The following NDST1 variants were observed in gnomAD, a reference collection of about 807,000 sequenced individuals.
NDST1 encodes the protein bifunctional heparan sulfate N-deacetylase/N-sulfotransferase 1.
A neutral mutation model predicts 92.8 loss-of-function variants in NDST1; 35 were observed. The ratio of observed to expected loss-of-function variants is 0.38; its 90% CI spans 0.29 to 0.50. The LOEUF is 0.50. NDST1 is among the 20% of genes least tolerant of loss of function. The pLI is 0.94. For synonymous variants in NDST1, 493 were observed against 500.3 expected (o/e 0.99, Z 0.19); for missense variants, 822 against 1,182.7 (o/e 0.69, Z 4.47).
intron 1 of NDST1, among the ~76,000 whole-genome samples, chr5:150,500,294 G>A (rs566733987): frequency 6.6e-6 from 1 of 152,254 alleles, no homozygotes; most frequent in East Asian, 1.9e-4. Context: ...TCAGACCAGG[G>A]GGTCTATAGA....
rs1389491054 is a variant in NDST1 at position 150,521,636 on chromosome 5, A to G, written c.382A>G (p.Lys128Glu). The G allele has an allele frequency of 1.9e-6, 3 of 1,613,918 alleles. No individual in the cohort carries two copies. The highest frequency in any genetic ancestry group is 1.3e-5 in the African/African-American group (1 of 74,922). ...GKGDMPTLTD[K>E]GRGRFALIIY... The stretch of plus-strand genomic sequence containing the variant: ...GGGTGACATGCCCACGCTCACTGAC[A>G]AGGGCCGTGGCCGCTTCGCCCTCAT... The change falls in exon 2 of 15, where the codon AAG becomes GAG. Residue 128 changes from lysine (K) to glutamate (E), a missense_variant. Physicochemically the swap from Lys to Glu is moderately conservative, Grantham distance 56. Coordinates refer to ENST00000261797, the MANE Select transcript of NDST1 (RefSeq NM_001543.5). The surrounding 1 kb of genome is among the most constrained non-coding windows in gnomAD (Gnocchi z 5.9).
rs1483696986 is a variant in NDST1, at chr5:150,554,330, CTG to C, written c.*1002_*1003del. The C allele has an allele frequency of 1.4e-5, 2 of 138,674 alleles. No individual in the cohort carries two copies. The highest frequency in any genetic ancestry group is 8.0e-5 in the African/African-American group (2 of 25,114). 8.6% of individuals were successfully genotyped at this position (138,674 alleles called of 1,614,324 possible). ...TTATACCCTGGGTGCTGGGGTCGCA[CTG>C]TGTTATATATATATATATATATATA... On this transcript the variant is annotated 3_prime_UTR_variant, in exon 15 of 15. Coordinates refer to ENST00000261797, the MANE Select transcript of NDST1 (RefSeq NM_001543.5).
In NDST1 at chr5:150,548,385, C is replaced by T. The variant is rs1281359138; in HGVS notation, c.2313C>T (p.Asn771=). 4 of 1,610,948 alleles carry T rather than the reference C, an allele frequency of 2.5e-6. No individual in the cohort carries two copies. In the African/African-American group the frequency reaches 5.3e-5, roughly 22 times the overall value. ...IERWLSAYHA[N]QILVLDGKLL... ...GCTGGCTCAGTGCCTATCACGCCAA[C>T]CAGGTAGCTGCTGTCCCTGACCCTT... The change falls in exon 12 of 15, where the codon AAC becomes AAT. Residue 771 remains asparagine (N), a synonymous_variant. Transcript: ENST00000261797.
At chr5:150,506,156 G>A (rs755689491), upstream of NDST1, among the ~76,000 whole-genome samples, 3 of 152,224 alleles carry the variant, frequency 2.0e-5, no homozygotes, top group Non-Finnish European at 2.9e-5. Flanking sequence ...TGTCGCACAG[G>A]TTGGAGTGCA....
intron 1 of NDST1, among the ~76,000 whole-genome samples, chr5:150,510,549 T>G (rs1753677974): frequency 6.6e-6 from 1 of 152,172 alleles, no homozygotes; most frequent in Non-Finnish European, 1.5e-5. Context: ...TGACCTGCCG[T>G]GTTCCCCACA....
intron 14 of NDST1, 22 bp downstream of exon 14, chr5:150,551,877 T>C (rs779854297): frequency 1.2e-6 from 2 of 1,611,176 alleles, no homozygotes; most frequent in South Asian, 2.2e-5. Flanking sequence ...ACACACTACC[T>C]GTAGCACCTG....
At chr5:150,531,067 T>C (rs1754708540) in intron 3 of NDST1, among the ~76,000 whole-genome samples, 1 of 144,108 alleles carries the variant, frequency 6.9e-6, no homozygotes, top group African/African-American at 2.6e-5. Flanking sequence ...AAGGGCAGAG[T>C]TTTTTTTTTT....
At chr5:150,526,668 T>C (rs1367152920) in intron 2 of NDST1, among the ~76,000 whole-genome samples, 1 of 152,166 alleles carries the variant, frequency 6.6e-6, no homozygotes, top group Non-Finnish European at 1.5e-5. Flanking sequence ...AGCTGAGGCT[T>C]TAACATGGTC....
chr5:150,538,703 G>C (rs1350063028), intron 6 of NDST1, among the ~76,000 whole-genome samples: 1 of 152,146 alleles, frequency 6.6e-6, no homozygotes, highest in Admixed American at 6.6e-5. Context: ...TCAGCACCAG[G>C]CCCTCGTGCT....
rs1218441095 is a variant in NDST1, at chr5:150,521,406, C to G, written c.152C>G (p.Ala51Gly). 1 of 1,612,918 alleles carries G rather than the reference C, an allele frequency of 6.2e-7. No homozygotes were observed. Among genetic ancestry groups the G allele is most frequent in the Non-Finnish European group, 8.5e-7 (1 of 1,179,892 alleles). ...CGAGGCCTGGAGCCCTCGGCGGATGCCCCCGAGCCTGACTGCGGGGACCCG... is the reference window on the plus strand; with the variant it reads ...CGAGGCCTGGAGCCCTCGGCGGATGGCCCCGAGCCTGACTGCGGGGACCCG... ...WKRGLEPSADAPEPDCGDPPP... is the reference protein window; with the variant it reads ...WKRGLEPSADGPEPDCGDPPP... Residue 51 changes from alanine to glycine, a missense_variant, in exon 2 of 15, where the codon GCC becomes GGC. Coordinates refer to ENST00000261797, the MANE Select transcript of NDST1 (RefSeq NM_001543.5). This position sits in a 1 kb window ranked among gnomAD's most constrained non-coding sequence, Gnocchi z 5.9.
chr5:150,505,507 A>T (rs1029173983), upstream of NDST1, among the ~76,000 whole-genome samples: 2 of 152,180 alleles, frequency 1.3e-5, no homozygotes, highest in African/African-American at 4.8e-5. Flanking sequence ...TTGTAAAATG[A>T]GGCCATGATC....
chr5:150,521,677 C>T lies in NDST1; in HGVS notation c.423C>T (p.Ile141=). 2 of 1,614,118 alleles carry T rather than the reference C, an allele frequency of 1.2e-6. No individual in the cohort carries two copies. Among genetic ancestry groups the T allele is most frequent in the Non-Finnish European group, 8.5e-7 (1 of 1,180,044 alleles). The change falls in exon 2 of 15, where the codon ATC becomes ATT. Residue 141 remains isoleucine, a synonymous_variant. Transcript: ENST00000261797. The surrounding 1 kb of genome is among the most constrained non-coding windows in gnomAD (Gnocchi z 5.9). Reference sequence around the variant, plus strand: ...TCGCCCTCATCATCTATGAGAACATCCTCAAGTATGTCAACCTGGACGCCT... The same window carrying T: ...TCGCCCTCATCATCTATGAGAACATTCTCAAGTATGTCAACCTGGACGCCT... The part of the protein sequence containing the change: ...GRFALIIYEN[I]LKYVNLDAWN...
rs1411275321 is a variant in NDST1, at chr5:150,535,811, G to A, written c.1363G>A (p.Val455Met). ...TTGGAAGCAGGTGTGGAGCATCCGC[G>A]TGACCAGCACGGAGGAGTACCCCCA... Reference protein sequence around the residue: ...EAWKQVWSIRVTSTEEYPHLK... With the variant: ...EAWKQVWSIRMTSTEEYPHLK... The change falls in exon 6 of 15, where the codon GTG becomes ATG. Residue 455 changes from valine to methionine, a missense_variant. By Grantham distance (21) the Val-to-Met change is conservative. Transcript: ENST00000261797. The A allele has an allele frequency of 2.5e-6, 4 of 1,614,180 alleles. No individual in the cohort carries two copies. Among genetic ancestry groups the A allele is most frequent in the Non-Finnish European group, 3.4e-6 (4 of 1,180,038 alleles).
At chr5:150,522,599 A>G (rs1002011245) in intron 2 of NDST1, among the ~76,000 whole-genome samples, 8 of 152,188 alleles carry the variant, frequency 5.3e-5, no homozygotes, top group Admixed American at 4.6e-4. Context: ...CTGAGCACTC[A>G]CAGTGTTTGT....
At chr5:150,536,978 T>C (rs969969157) in intron 6 of NDST1, among the ~76,000 whole-genome samples, 3 of 152,224 alleles carry the variant, frequency 2.0e-5, no homozygotes, top group African/African-American at 7.2e-5. Context: ...CATATGCTCA[T>C]GCATGTGTGT....
chr5:150,506,164 G>A (rs1323499893), upstream of NDST1, among the ~76,000 whole-genome samples: 1 of 152,226 alleles, frequency 6.6e-6, no homozygotes, highest in Non-Finnish European at 1.5e-5. Context: ...AGGTTGGAGT[G>A]CAGTGGTGCA....
chr5:150,513,131 G>A (rs576362721), intron 1 of NDST1, among the ~76,000 whole-genome samples: 1 of 151,964 alleles, frequency 6.6e-6, no homozygotes, highest in Non-Finnish European at 1.5e-5. Context: ...GGGAAGTTGA[G>A]GCTGCAGTAA....
chr5:150,538,990 AC>A (rs944563801), intron 6 of NDST1, among the ~76,000 whole-genome samples: 1 of 152,178 alleles, frequency 6.6e-6, no homozygotes, highest in Non-Finnish European at 1.5e-5. Context: ...CCACTCTGTT[AC>A]TTTGAGGCCT....
chr5:150,535,577 G>A (rs1027620967), intron 5 of NDST1, 123 bp from the exon 6 acceptor site: 1 of 1,298,694 alleles, frequency 7.7e-7, no homozygotes, highest in Non-Finnish European at 1.1e-6. Context: ...TTACCATGAA[G>A]TCTCAGACCA....
Sources: gnomAD v4.1 joint callset for allele counts (sites outside exome capture counted in the v4.1 genomes callset) on GRCh38, gnomAD v4.1.1 for gene constraint, Gnocchi (gnomAD v3.1) non-coding constraint, MANE v1.5 for transcripts, NCBI Gene and HGNC (gene_info 2026-07-23, HGNC 2026-07-21) for gene names.